NOX3: variants seen among roughly 807,000 people sequenced by gnomAD.
NOX3 encodes the protein NADPH oxidase 3, also known as NADPH oxidase catalytic subunit-like 3.
A neutral mutation model predicts 76.7 loss-of-function variants in NOX3; 74 were observed. The ratio of observed to expected loss-of-function variants is 0.96; its 90% CI spans 0.80 to 1.17. The LOEUF (loss-of-function observed/expected upper bound fraction) is 1.17. Among genes scored for constraint, NOX3 ranks in the 50% most tolerant of loss-of-function variants. The pLI is 0.00. For synonymous variants in NOX3, 263 were observed against 261.1 expected (o/e 1.01, Z -0.07); for missense variants, 695 against 703.3 (o/e 0.99, Z 0.13).
Position 155,422,775 on chromosome 6 carries a change from G to A in NOX3, c.1227C>T (p.Ile409=), listed in dbSNP as rs756473137. 22 of 1,614,016 alleles carry A rather than the reference G, an allele frequency of 1.4e-5. 1 individual carries two copies. Among genetic ancestry groups the A allele is most frequent in the South Asian group, 1.1e-4 (10 of 91,090 alleles). Residue 409 remains isoleucine, a synonymous_variant, in exon 10 of 14, where the codon ATC becomes ATT. Transcript: ENST00000159060. ...GAAGAGCAGCGAAGGGAGTGACTCC[G>A]ATCCCCGCGGCAACGCACACACACA... ...YPVCVCVAAG[I]GVTPFAALLK...
intron 11 of NOX3, 57 bp downstream of exon 11, chr6:155,411,157 C>T: frequency 6.8e-7 from 1 of 1,471,384 alleles, no homozygotes; most frequent in Non-Finnish European, 9.3e-7. Context: ...GAAATTGTTC[C>T]TCATTGCTAT....
chr6:155,436,010 A>C (rs117884839), intron 7 of NOX3, among the ~76,000 whole-genome samples: 3,119 of 152,296 alleles, frequency 0.02, 57 homozygotes, highest in South Asian at 0.044. Context: ...CCTGAGCCTC[A>C]TTTGGCTGTT....
In NOX3 at chr6:155,445,842, G is replaced by C. The variant is rs540218295; in HGVS notation, c.341-2424C>G. On this transcript the variant is annotated intron_variant, in intron 4 of 13. Transcript: ENST00000159060. ...TCAATCTATAAATACAACCTTGTTGGAGTAGTGTTTTCTCTGCTGACATAT... is the reference window on the plus strand; with the variant it reads ...TCAATCTATAAATACAACCTTGTTGCAGTAGTGTTTTCTCTGCTGACATAT... Among the ~76,000 whole-genome samples, 6 of 146,302 alleles carry C rather than the reference G, an allele frequency of 4.1e-5. No individual in the cohort carries two copies. In the East Asian group the frequency reaches 1.2e-3, roughly 29 times the overall value.
Position 155,446,092 on chromosome 6 carries a change from C to T in NOX3, c.341-2674G>A, listed in dbSNP as rs548741402. Among the ~76,000 whole-genome samples the T allele has an allele frequency of 1.4e-4, 21 of 150,956 alleles. 1 individual carries two copies. The highest frequency in any genetic ancestry group is 4.9e-4 in the African/African-American group (20 of 41,080). Reference sequence around the variant, plus strand: ...GGCTCACCCAAGAAGGCAAAGCACTCGATAGTGTTTCCGCATCGTGATGTT... The same window carrying T: ...GGCTCACCCAAGAAGGCAAAGCACTTGATAGTGTTTCCGCATCGTGATGTT... On this transcript the variant is annotated intron_variant, in intron 4 of 13. Coordinates refer to ENST00000159060, the MANE Select transcript of NOX3 (RefSeq NM_015718.3).
At chr6:155,418,346 C>T (rs533597968) in intron 10 of NOX3, among the ~76,000 whole-genome samples, 1 of 152,300 alleles carries the variant, frequency 6.6e-6, no homozygotes, top group South Asian at 2.1e-4. Context: ...CAGCTTCCTC[C>T]ATATTGCATC....
intron 12 of NOX3, among the ~76,000 whole-genome samples, chr6:155,398,268 G>T (rs1239713229): frequency 6.9e-6 from 1 of 144,010 alleles, no homozygotes; most frequent in African/African-American, 2.6e-5. Flanking sequence ...ATCTCGGGTG[G>T]TGTTGAGGCA....
At chr6:155,452,610 A>G (rs953537758) in intron 4 of NOX3, among the ~76,000 whole-genome samples, 2 of 149,234 alleles carry the variant, frequency 1.3e-5, no homozygotes, top group Non-Finnish European at 3.0e-5. Flanking sequence ...TTAAATTCAC[A>G]TTTGTTTTGA....
intron 12 of NOX3, among the ~76,000 whole-genome samples, chr6:155,405,561 T>C (rs1408543944): frequency 2.6e-5 from 4 of 152,210 alleles, no homozygotes; most frequent in Admixed American, 2.6e-4. Flanking sequence ...CGTGGATGTA[T>C]GACAGGCATC....
At chr6:155,400,157 C>A (rs189435988) in intron 12 of NOX3, among the ~76,000 whole-genome samples, 1 of 152,164 alleles carries the variant, frequency 6.6e-6, no homozygotes, top group Admixed American at 6.5e-5. Flanking sequence ...AACAGTTCAG[C>A]GATGCCATGC....
chr6:155,438,634 G>T (rs1041594499), intron 6 of NOX3, among the ~76,000 whole-genome samples: 1 of 152,224 alleles, frequency 6.6e-6, no homozygotes, highest in Non-Finnish European at 1.5e-5. Flanking sequence ...GATTGGAGGC[G>T]TTGTTGACTT....
Position 155,428,947 on chromosome 6 carries a change from G to A in NOX3, c.992C>T (p.Ser331Phe). 1 of 1,614,042 alleles carries A rather than the reference G, an allele frequency of 6.2e-7. No homozygotes were observed. Among genetic ancestry groups the A allele is most frequent in the Non-Finnish European group, 8.5e-7 (1 of 1,179,978 alleles). The stretch of plus-strand genomic sequence containing the variant: ...GGTGAAGGGGTGCCACTCCAGCGAA[G>A]ATATGGCTGGGCACTGCACCAAGAT... Reference protein sequence around the residue: ...QYILVQCPAISSLEWHPFTLT... With the variant: ...QYILVQCPAIFSLEWHPFTLT... The change falls in exon 9 of 14, where the codon TCT (serine) becomes TTT (phenylalanine). Residue 331 changes from serine (S) to phenylalanine (F), a missense_variant. By Grantham distance (155) the Ser-to-Phe change is radical (BLOSUM62 -2). Coordinates refer to ENST00000159060, the MANE Select transcript of NOX3 (RefSeq NM_015718.3).
At chr6:155,451,614 T>C (rs781174793) in intron 4 of NOX3, among the ~76,000 whole-genome samples, 2 of 152,102 alleles carry the variant, frequency 1.3e-5, no homozygotes, top group Non-Finnish European at 2.9e-5. Context: ...TTCTTTGCTT[T>C]CTTTTCTGTT....
intron 12 of NOX3, among the ~76,000 whole-genome samples, chr6:155,398,079 C>G (rs535612901): frequency 6.6e-6 from 1 of 152,134 alleles, no homozygotes; most frequent in Non-Finnish European, 1.5e-5. Flanking sequence ...TGTCTTTTTT[C>G]TCTTGTCTTG....
intron 10 of NOX3, among the ~76,000 whole-genome samples, chr6:155,418,367 C>T (rs745514856): frequency 6.6e-6 from 1 of 152,208 alleles, no homozygotes; most frequent in South Asian, 2.1e-4. Flanking sequence ...ACAGAGAATT[C>T]TCAACCACCC....
chr6:155,402,128 G>A (rs1012050799), intron 12 of NOX3, among the ~76,000 whole-genome samples: 2 of 152,104 alleles, frequency 1.3e-5, no homozygotes, highest in Admixed American at 6.5e-5. Flanking sequence ...CCTAAAGCTT[G>A]TGAACGTATT....
At chr6:155,440,411 A>AT (rs1776968410) in intron 5 of NOX3, among the ~76,000 whole-genome samples, 3 of 151,858 alleles carry the variant, frequency 2.0e-5, no homozygotes, top group South Asian at 2.1e-4. Flanking sequence ...CATCAATCAC[A>AT]TTTTTTTATT....
Position 155,431,335 on chromosome 6 carries a change from A to G in NOX3, c.799-400T>C, listed in dbSNP as rs769426270. Among the ~76,000 whole-genome samples the G allele has an allele frequency of 1.2e-4, 19 of 152,048 alleles. 1 individual carries two copies. Among genetic ancestry groups the G allele is most frequent in the Non-Finnish European group, 2.8e-4 (19 of 68,016 alleles). On this transcript the variant is annotated intron_variant, in intron 7 of 13. Transcript: ENST00000159060. ...CACCCAACACAGGACATAAGAAATT[A>G]CATTTTAAAATCTCAAATAGTAATT...
At chr6:155,452,086 A>T (rs1318333195) in intron 4 of NOX3, among the ~76,000 whole-genome samples, 1 of 152,190 alleles carries the variant, frequency 6.6e-6, no homozygotes, top group African/African-American at 2.4e-5. Context: ...GCTATTTAAG[A>T]TTTTAAAGGA....
chr6:155,455,673 C>T lies in NOX3; in HGVS notation c.48+80G>A, dbSNP rs945734635. 1.7e-4 allele frequency: 185 copies of T among 1,074,348 alleles called. 1 individual carries two copies. The highest frequency in any genetic ancestry group is 4.1e-4 in the Middle Eastern group (2 of 4,934). The allele number at this position is 1,074,348 out of a possible 1,614,324, so 66.6% of individuals were successfully genotyped here. On this transcript the variant is annotated intron_variant, in intron 1 of 13. Coordinates refer to ENST00000159060, the MANE Select transcript of NOX3 (RefSeq NM_015718.3). ...TAGAGTAATACTTCAAGCTATTTAG[C>T]GTTCCTATACAAGTTTTCCTAAAAA...
Sources: allele counts gnomAD v4.1 joint callset (sites outside exome capture counted in the v4.1 genomes callset), GRCh38; gene constraint gnomAD v4.1.1; transcripts MANE v1.5; gene names NCBI Gene and HGNC (gene_info 2026-07-23, HGNC 2026-07-21).